Variants in CADM1 observed in about 807,000 individuals in gnomAD.
The protein encoded by CADM1 is TSLC-1.
In CADM1, 15 loss-of-function variants were observed where a neutral mutation model predicts 53.1. The ratio of observed to expected loss-of-function variants is 0.28; its 90% CI spans 0.19 to 0.44. The LOEUF (loss-of-function observed/expected upper bound fraction) is 0.44. Ranked by LOEUF, CADM1 falls within the 20% of genes least tolerant of loss-of-function variation. The pLI is 1.00. For missense variants in CADM1, 434 were observed against 611.3 expected (o/e 0.71, Z 3.06); for synonymous variants, 281 against 243.0 (o/e 1.16, Z -1.45).
intron 1 of CADM1, among the ~76,000 whole-genome samples, chr11:115,498,413 C>T (rs1164612181): frequency 2.0e-5 from 3 of 152,184 alleles, no homozygotes; most frequent in Non-Finnish European, 2.9e-5. Context: ...AGTCATCAAA[C>T]TAACATGAGC....
intron 1 of CADM1, among the ~76,000 whole-genome samples, chr11:115,336,989 T>A (rs10891833): frequency 1.8e-4 from 27 of 151,958 alleles, no homozygotes; most frequent in African/African-American, 6.0e-4. Context: ...ATTTCAAAGA[T>A]GCCATCTTCA....
At chr11:115,299,992 T>C (rs150521750) in intron 1 of CADM1, among the ~76,000 whole-genome samples, 3 of 152,290 alleles carry the variant, frequency 2.0e-5, no homozygotes, top group Admixed American at 2.0e-4. Context: ...AATCTTTCCA[T>C]AAAAGCATCC....
intron 9 of CADM1, among the ~76,000 whole-genome samples, chr11:115,193,024 A>C (rs917198338): frequency 1.3e-5 from 2 of 152,230 alleles, no homozygotes; most frequent in African/African-American, 4.8e-5. Context: ...TTTCTGAATA[A>C]ATATAATTCA....
At chr11:115,392,235 A>T (rs937446583) in intron 1 of CADM1, among the ~76,000 whole-genome samples, 14 of 152,018 alleles carry the variant, frequency 9.2e-5, no homozygotes, top group African/African-American at 3.1e-4. Context: ...CCACTCAAAT[A>T]TATGTTCTAT....
rs35368859 is a variant in CADM1 at position 115,434,860 on chromosome 11, A to ATT, written c.124+69409_124+69410dup. On this transcript the variant is annotated intron_variant, in intron 1 of 11. Transcript: ENST00000331581. ...AGTATTTTATTTTATTATTATTATT[A>ATT]TTATTTTTTTTTTTTTTTGAGACAG... Among the ~76,000 whole-genome samples, 458 of 132,826 alleles carry ATT rather than the reference A, an allele frequency of 3.4e-3. 12 individuals are homozygous for ATT. Among genetic ancestry groups the ATT allele is most frequent in the Non-Finnish European group, 5.5e-3 (340 of 61,872 alleles). 87.1% of individuals were successfully genotyped at this position (132,826 alleles called of 152,430 possible). A position where few individuals can be genotyped will look rare whatever the true frequency, so the allele number is the denominator to read the frequency against.
intron 1 of CADM1, among the ~76,000 whole-genome samples, chr11:115,299,546 T>C (rs1944165297): frequency 6.6e-6 from 1 of 152,172 alleles, no homozygotes; most frequent in African/African-American, 2.4e-5. Flanking sequence ...GGTGGAAAGA[T>C]GTTTAAAAGG....
chr11:115,478,421 G>T (rs191163953), intron 1 of CADM1, among the ~76,000 whole-genome samples: 14 of 152,164 alleles, frequency 9.2e-5, no homozygotes, highest in Admixed American at 1.3e-4. Context: ...TGTTTCAAAA[G>T]ACATAAATAT....
intron 1 of CADM1, among the ~76,000 whole-genome samples, chr11:115,448,128 C>A (rs1948493144): frequency 6.6e-6 from 1 of 152,142 alleles, no homozygotes; most frequent in Non-Finnish European, 1.5e-5. Flanking sequence ...GCCTGGCATA[C>A]AGTATTCCAT....
intron 1 of CADM1, among the ~76,000 whole-genome samples, chr11:115,283,767 G>T (rs1943647782): frequency 6.6e-6 from 1 of 152,184 alleles, no homozygotes; most frequent in Non-Finnish European, 1.5e-5. Flanking sequence ...GACTAGGCAA[G>T]GTCTGGGCAA....
chr11:115,322,351 G>A (rs970738275), intron 1 of CADM1, among the ~76,000 whole-genome samples: 1 of 152,168 alleles, frequency 6.6e-6, no homozygotes, highest in African/African-American at 2.4e-5. Flanking sequence ...AGCATATACA[G>A]CTGCCAATGA....
chr11:115,393,218 A>T (rs1456770805), intron 1 of CADM1, among the ~76,000 whole-genome samples: 4 of 151,958 alleles, frequency 2.6e-5, no homozygotes, highest in Non-Finnish European at 4.4e-5. Context: ...ATAAATAAAA[A>T]CAAGAAGAGT....
Position 115,176,138 on chromosome 11 carries a change from G to T in CADM1, c.*336C>A, listed in dbSNP as rs573958980. ...AGGGAGGAAATAAATGTGCACAAAG[G>T]GGGAAAAGAAAGGAACGCAACAAAC... On this transcript the variant is annotated 3_prime_UTR_variant, in exon 12 of 12. Coordinates refer to ENST00000331581, the MANE Select transcript of CADM1 (RefSeq NM_001301043.2). 8.6e-7 allele frequency: 1 copy of T among 1,156,948 alleles called. No individual in the cohort carries two copies. Among genetic ancestry groups the T allele is most frequent in the South Asian group, 1.9e-5 (1 of 53,168 alleles). The allele number at this position is 1,156,948 out of a possible 1,614,324, so 71.7% of individuals were successfully genotyped here.
At chr11:115,282,024 T>G (rs566058247) in intron 1 of CADM1, among the ~76,000 whole-genome samples, 4 of 152,324 alleles carry the variant, frequency 2.6e-5, no homozygotes, top group African/African-American at 9.6e-5. Context: ...ATCTTAGAGT[T>G]TTATTGAAAA....
rs1312759879 is a variant in CADM1 at position 115,312,723 on chromosome 11, C to G, written c.125-72303G>C. ...ATTAAGTGTCTAGTTGTGCTAACAC[C>G]TAAAACATCAGATGACTAATAATCT... is the stretch of plus-strand genomic sequence containing the variant. On this transcript the variant is annotated intron_variant, in intron 1 of 11. Coordinates refer to ENST00000331581, the MANE Select transcript of CADM1 (RefSeq NM_001301043.2). 2.6e-5 allele frequency among the ~76,000 whole-genome samples: 4 copies of G among 152,186 alleles called. 1 individual carries two copies. Among genetic ancestry groups the G allele is most frequent in the African/African-American group, 9.6e-5 (4 of 41,550 alleles).
chr11:115,395,789 C>CT (rs1946980680), intron 1 of CADM1, among the ~76,000 whole-genome samples: 1 of 152,216 alleles, frequency 6.6e-6, no homozygotes, highest in African/African-American at 2.4e-5. Context: ...GTAATTCCAA[C>CT]TTTTTTTAAA....
chr11:115,436,031 T>C (rs892246078), intron 1 of CADM1, among the ~76,000 whole-genome samples: 1 of 152,200 alleles, frequency 6.6e-6, no homozygotes, highest in African/African-American at 2.4e-5. Flanking sequence ...AAAGACACTC[T>C]GCAAGAGAGC....
At chr11:115,418,851 A>C (rs544511892) in intron 1 of CADM1, among the ~76,000 whole-genome samples, 1 of 152,270 alleles carries the variant, frequency 6.6e-6, no homozygotes, top group South Asian at 2.1e-4. Context: ...CAAGTACTTA[A>C]AGCACGTCAA....
intron 1 of CADM1, among the ~76,000 whole-genome samples, chr11:115,413,593 TA>T (rs1176740852): frequency 6.7e-6 from 1 of 150,044 alleles, no homozygotes; most frequent in African/African-American, 2.4e-5. Context: ...ACACAGGTAG[TA>T]AAGGGTGAAG....
intron 6 of CADM1, among the ~76,000 whole-genome samples, chr11:115,217,414 A>G (rs1941233424): frequency 6.6e-6 from 1 of 152,204 alleles, no homozygotes; most frequent in Non-Finnish European, 1.5e-5. Context: ...GTCAAGTATG[A>G]ATGACACTTT....
Sources: allele counts gnomAD v4.1 joint callset (sites outside exome capture counted in the v4.1 genomes callset), GRCh38; gene constraint gnomAD v4.1.1; transcripts MANE v1.5; gene names NCBI Gene and HGNC (gene_info 2026-07-23, HGNC 2026-07-21).